NLGN4Y: variants seen among roughly 807,000 people sequenced by gnomAD.
NLGN4Y encodes neuroligin 4 Y-linked.
In NLGN4Y, 4 loss-of-function variants were observed where a neutral mutation model predicts 8.4. The ratio of observed to expected loss-of-function variants is 0.48; its 90% CI spans 0.23 to 1.09. NLGN4Y has a LOEUF of 1.09. Among genes scored for constraint, NLGN4Y ranks in the 50% least tolerant of loss-of-function variants. The pLI, the probability that NLGN4Y is intolerant of heterozygous loss-of-function variation, is 0.19. For missense variants in NLGN4Y, 90 were observed against 192.3 expected, an observed-to-expected ratio of 0.47 and a Z score of 3.15; for synonymous variants, 35 against 75.6, an observed-to-expected ratio of 0.46 and a Z score of 2.78.
chrY:14,694,319 G>A (rs2080820812), intron 2 of NLGN4Y, among the ~76,000 whole-genome samples: 1 of 34,214 alleles, frequency 2.9e-5, no homozygotes, highest in Non-Finnish European at 7.3e-5. Context: ...CAGGCACCAA[G>A]TGGTTCCTTA....
intron 4 of NLGN4Y, among the ~76,000 whole-genome samples, chrY:14,765,538 A>G: frequency 3.0e-5 from 1 of 33,543 alleles, no homozygotes; most frequent in East Asian, 7.7e-4. Context: ...ATAAAGGGAA[A>G]TGAGACTGAA....
At chrY:14,579,556 T>C in intron 1 of NLGN4Y, among the ~76,000 whole-genome samples, 1 of 30,902 alleles carries the variant, frequency 3.2e-5, no homozygotes, top group African/African-American at 1.3e-4. Context: ...GAAAAAAAAA[T>C]GAAAAAATTA....
intron 2 of NLGN4Y, among the ~76,000 whole-genome samples, chrY:14,691,775 T>C: frequency 3.0e-5 from 1 of 33,306 alleles, no homozygotes; most frequent in Non-Finnish European, 7.5e-5. Context: ...AATATGTCTA[T>C]AACATATTTT....
chrY:14,764,136 T>A, intron 4 of NLGN4Y, among the ~76,000 whole-genome samples: 1 of 33,345 alleles, frequency 3.0e-5, no homozygotes, highest in Non-Finnish European at 7.4e-5. Flanking sequence ...GTATCCACTG[T>A]GGGTCTTGGT....
intron 4 of NLGN4Y, among the ~76,000 whole-genome samples, chrY:14,823,496 AG>A (rs374457734): frequency 0.035 from 1,171 of 33,869 alleles, no homozygotes; most frequent in African/African-American, 0.13. Context: ...AGGGACATTT[AG>A]TACGTAATTT....
At chrY:14,702,276 A>AC (rs2080851555) in intron 2 of NLGN4Y, among the ~76,000 whole-genome samples, 1 of 32,198 alleles carries the variant, frequency 3.1e-5, no homozygotes, top group African/African-American at 1.2e-4. Context: ...CTCTTCATTT[A>AC]ATGTTAGGTA....
At chrY:14,808,157 G>A (rs2043064396) in intron 4 of NLGN4Y, among the ~76,000 whole-genome samples, 1 of 33,103 alleles carries the variant, frequency 3.0e-5, no homozygotes, top group Admixed American at 2.8e-4. Context: ...TCAGATCCCC[G>A]AGTAGCTGGG....
chrY:14,660,690 T>C, intron 2 of NLGN4Y, among the ~76,000 whole-genome samples: 2 of 31,965 alleles, frequency 6.3e-5, no homozygotes, highest in Non-Finnish European at 1.5e-4. Context: ...TTTGCATGTG[T>C]GCGGTCAGTC....
chrY:14,600,239 A>C (rs2150497890), intron 1 of NLGN4Y, among the ~76,000 whole-genome samples: 4 of 31,592 alleles, frequency 1.3e-4, no homozygotes, highest in Non-Finnish European at 3.0e-4. Context: ...TGTTTCATGT[A>C]TCTATTGTAT....
intron 4 of NLGN4Y, among the ~76,000 whole-genome samples, chrY:14,808,314 G>A (rs2043064715): frequency 3.0e-5 from 1 of 33,589 alleles, no homozygotes; most frequent in African/African-American, 1.2e-4. Context: ...TTCCACATGA[G>A]GCACCATGCT....
At chrY:14,800,892 A>G in intron 4 of NLGN4Y, among the ~76,000 whole-genome samples, 1 of 31,818 alleles carries the variant, frequency 3.1e-5, no homozygotes, top group African/African-American at 1.2e-4. Flanking sequence ...ATCAGCTACA[A>G]GGGACAATTA....
intron 2 of NLGN4Y, among the ~76,000 whole-genome samples, chrY:14,627,702 CAG>C (rs2080533551): frequency 8.8e-5 from 3 of 33,957 alleles, no homozygotes; most frequent in Non-Finnish European, 1.5e-4. Flanking sequence ...TCACCGCAAG[CAG>C]AGTGAGCGGG....
intron 2 of NLGN4Y, among the ~76,000 whole-genome samples, chrY:14,641,839 G>C (rs2080592300): frequency 3.0e-5 from 1 of 33,190 alleles, no homozygotes; most frequent in South Asian, 6.9e-4. Context: ...GCCTCCCAAG[G>C]CTGGCATTTT....
At chrY:14,740,835 A>G in intron 4 of NLGN4Y, among the ~76,000 whole-genome samples, 1 of 33,743 alleles carries the variant, frequency 3.0e-5, no homozygotes, top group Non-Finnish European at 7.4e-5. Flanking sequence ...TGTCTAACAA[A>G]TTAATCCCAT....
intron 1 of NLGN4Y, among the ~76,000 whole-genome samples, chrY:14,565,118 A>G: frequency 9.2e-5 from 3 of 32,630 alleles, no homozygotes; most frequent in African/African-American, 3.6e-4. Flanking sequence ...CTCCTCCTCC[A>G]GAGGATCACA....
At chrY:14,679,125 G>T (rs776420621) in intron 2 of NLGN4Y, among the ~76,000 whole-genome samples, 3 of 32,837 alleles carry the variant, frequency 9.1e-5, no homozygotes, top group African/African-American at 2.4e-4. Flanking sequence ...GAGACCACAG[G>T]TGTGCACCAC....
intron 2 of NLGN4Y, among the ~76,000 whole-genome samples, chrY:14,650,225 C>CA (rs2080624868): frequency 3.1e-5 from 1 of 32,427 alleles, no homozygotes; most frequent in Non-Finnish European, 7.5e-5. Flanking sequence ...AGTGGTGCAC[C>CA]ATGTGGTCCC....
At chrY:14,582,642 T>C (rs2080323018) in intron 1 of NLGN4Y, among the ~76,000 whole-genome samples, 1 of 33,277 alleles carries the variant, frequency 3.0e-5, no homozygotes, top group South Asian at 6.8e-4. Flanking sequence ...ATGCCTGTAG[T>C]CCCAGCTTCT....
chrY:14,842,536 G>A lies in NLGN4Y; in HGVS notation c.*1274G>A, dbSNP rs1228137604. On this transcript the variant is annotated 3_prime_UTR_variant, in exon 7 of 7. Coordinates refer to ENST00000684976, the MANE Select transcript of NLGN4Y (RefSeq NM_001365588.1). ...CTCAGCTTAGCTAATCAGATTAAAGGAAGACATGTATGTCTTTTGTTTAAG... is the reference window on the plus strand; with the variant it reads ...CTCAGCTTAGCTAATCAGATTAAAGAAAGACATGTATGTCTTTTGTTTAAG... The A allele has an allele frequency of 1.6e-5, 2 of 122,027 alleles. No individual in the cohort carries two copies. The highest frequency in any genetic ancestry group is 7.8e-5 in the South Asian group (2 of 25,732). 30.4% of individuals were successfully genotyped at this position (122,027 alleles called of 400,897 possible).
Sources: allele counts gnomAD v4.1 joint callset (sites outside exome capture counted in the v4.1 genomes callset), GRCh38; gene constraint gnomAD v4.1.1; transcripts MANE v1.5; gene names NCBI Gene and HGNC (gene_info 2026-07-23, HGNC 2026-07-21).